SECISBP2: variants seen among roughly 807,000 people sequenced by gnomAD.
SECISBP2 encodes SECIS binding protein 2, also known as selenocysteine insertion sequence-binding protein 2.
Under a neutral mutation model 98.2 loss-of-function variants are expected in SECISBP2, and 96 were observed. The observed-to-expected ratio is 0.98, with a 90% CI of 0.83 to 1.16. SECISBP2 has a LOEUF of 1.16. Among genes scored for constraint, SECISBP2 ranks in the 50% most tolerant of loss-of-function variants. The pLI is 0.00. For synonymous variants in SECISBP2, 407 were observed against 370.2 expected, an observed-to-expected ratio of 1.10 and a Z score of -1.14; for missense variants, 1,046 against 1,022.9, an observed-to-expected ratio of 1.02 and a Z score of -0.31.
At chr9:89,353,521 A>C (rs529108598) in intron 14 of SECISBP2, among the ~76,000 whole-genome samples, 4 of 152,010 alleles carry the variant, frequency 2.6e-5, no homozygotes, top group Non-Finnish European at 5.9e-5. Flanking sequence ...CCAGTGTTCA[A>C]CCAGCCCTCT....
Position 89,357,520 on chromosome 9 carries a change from A to G in SECISBP2, c.2223A>G (p.Ala741=), listed in dbSNP as rs780026410. The change falls in exon 15 of 17, where the codon GCA becomes GCG. Residue 741 remains alanine (A), a synonymous_variant. Coordinates refer to ENST00000375807, the MANE Select transcript of SECISBP2 (RefSeq NM_024077.5). ...CTCTGGGGCGCAGTTTGAATAAGGCAGTTCCTGTCAGTGTGGTGGGGATCT... is the reference window on the plus strand; with the variant it reads ...CTCTGGGGCGCAGTTTGAATAAGGCGGTTCCTGTCAGTGTGGTGGGGATCT... ...RKALGRSLNK[A]VPVSVVGIFS... 1.2e-6 allele frequency: 2 copies of G among 1,614,172 alleles called. No homozygotes were observed. The highest frequency in any genetic ancestry group is 1.7e-5 in the Admixed American group (1 of 60,026).
intron 2 of SECISBP2, chr9:89,322,921 C>T (rs1158887827): frequency 6.6e-6 from 1 of 152,004 alleles, no homozygotes; most frequent in East Asian, 1.9e-4. Flanking sequence ...TTGGTAGTGT[C>T]TTAAATGGGG....
downstream of SECISBP2, among the ~76,000 whole-genome samples, chr9:89,362,603 T>C (rs1182589160): frequency 6.6e-6 from 1 of 152,194 alleles, no homozygotes; most frequent in Admixed American, 6.5e-5. Context: ...TTCTCCCATA[T>C]GTGACAGGAA....
intron 5 of SECISBP2, among the ~76,000 whole-genome samples, chr9:89,330,811 G>A (rs540260016): frequency 1.3e-5 from 2 of 152,234 alleles, no homozygotes; most frequent in Non-Finnish European, 2.9e-5. Context: ...TGAGTGCCCT[G>A]CAGAAGTAGT....
intron 3 of SECISBP2, 100 bp downstream of exon 3, chr9:89,325,776 TA>T (rs1344096956): frequency 6.3e-7 from 1 of 1,589,392 alleles, no homozygotes; most frequent in Non-Finnish European, 8.6e-7. Flanking sequence ...AAGTATCATG[TA>T]TTTTTTTGTA....
downstream of SECISBP2, chr9:89,363,508 CCT>C: frequency 6.2e-7 from 1 of 1,614,092 alleles, no homozygotes. Flanking sequence ...CTCTGGTCCA[CCT>C]CTCCTGGTGG....
At chr9:89,362,273 G>A, downstream of SECISBP2, 1 of 1,540,604 alleles carries the variant, frequency 6.5e-7, no homozygotes, top group Non-Finnish European at 9.0e-7. Flanking sequence ...CAATGGCTGT[G>A]TTCAGAGCAG....
chr9:89,338,159 C>T, intron 7 of SECISBP2, among the ~76,000 whole-genome samples: 1 of 152,184 alleles, frequency 6.6e-6, no homozygotes, highest in East Asian at 1.9e-4. Context: ...AGAGGTTAGG[C>T]TGGGATCAGG....
chr9:89,355,456 T>C (rs1831919919), intron 14 of SECISBP2: 1 of 964,646 alleles, frequency 1.0e-6, no homozygotes, highest in Non-Finnish European at 1.2e-6. Flanking sequence ...TGGCATTTTC[T>C]GTGAATTGTT....
chr9:89,348,822 C>G (rs1003147214), intron 12 of SECISBP2, among the ~76,000 whole-genome samples: 2 of 152,250 alleles, frequency 1.3e-5, no homozygotes, highest in Non-Finnish European at 2.9e-5. Flanking sequence ...TCTCTTTGTC[C>G]CCTTTCCTTC....
rs1323545779 is a variant in SECISBP2 at position 89,358,322 on chromosome 9, C to G, written c.2461+131C>G. The G allele has an allele frequency of 1.4e-5, 13 of 907,984 alleles. No individual in the cohort carries two copies. The East Asian group carries it at 2.9e-4, about 20-fold the overall frequency. 56.2% of individuals were successfully genotyped at this position (907,984 alleles called of 1,614,324 possible). On this transcript the variant is annotated intron_variant, in intron 16 of 16. Transcript: ENST00000375807. ...AGTAGCAGGGCCTGGTAAGTCCAGC[C>G]CATTGCCTAAGAGGTATTATCAGAC...
chr9:89,362,157 AC>A, downstream of SECISBP2: 1 of 602,950 alleles, frequency 1.7e-6, no homozygotes, highest in South Asian at 2.0e-5. Flanking sequence ...GACAGAACTT[AC>A]TGTCCCAGGT....
chr9:89,363,464 T>C, downstream of SECISBP2: 1 of 1,614,016 alleles, frequency 6.2e-7, no homozygotes, highest in Non-Finnish European at 8.5e-7. Context: ...CATCCGGTCG[T>C]GCTCCCCAGC....
chr9:89,330,026 TCAC>T (rs975448796), intron 5 of SECISBP2: 1 of 152,258 alleles, frequency 6.6e-6, no homozygotes, highest in Non-Finnish European at 1.5e-5. Flanking sequence ...AACATTTTCT[TCAC>T]CATCATTTCA....
chr9:89,320,259 G>A (rs117683564), intron 2 of SECISBP2, among the ~76,000 whole-genome samples: 2 of 151,268 alleles, frequency 1.3e-5, no homozygotes, highest in Non-Finnish European at 2.9e-5. Context: ...GGGAGACTGG[G>A]GCAGCAGAAT....
chr9:89,328,360 A>G (rs1827136369), intron 4 of SECISBP2, among the ~76,000 whole-genome samples: 1 of 152,206 alleles, frequency 6.6e-6, no homozygotes. Flanking sequence ...GGGCTGTTGT[A>G]TACGTAATCC....
At chr9:89,318,880 G>A in intron 1 of SECISBP2, 1 of 1,248,484 alleles carries the variant, frequency 8.0e-7, no homozygotes, top group Non-Finnish European at 1.0e-6. Flanking sequence ...GCCCAGCCCG[G>A]CGCTCCCCGC....
chr9:89,346,111 C>A (rs1216540287), intron 10 of SECISBP2, among the ~76,000 whole-genome samples: 1 of 152,178 alleles, frequency 6.6e-6, no homozygotes, highest in Non-Finnish European at 1.5e-5. Flanking sequence ...ATTGTTGAAG[C>A]TGGACGATGG....
downstream of SECISBP2, chr9:89,363,349 C>G: frequency 1.3e-6 from 2 of 1,581,336 alleles, no homozygotes; most frequent in Non-Finnish European, 1.7e-6. Context: ...TGAATGGGGC[C>G]CTTGAAAGAT....
Sources: allele counts gnomAD v4.1 joint callset (sites outside exome capture counted in the v4.1 genomes callset), GRCh38; gene constraint gnomAD v4.1.1; transcripts MANE v1.5; gene names NCBI Gene and HGNC (gene_info 2026-07-23, HGNC 2026-07-21).